GALK1: variants seen among roughly 807,000 people sequenced by gnomAD.
GALK1 encodes galactokinase 1.
GALK1 carries 30 observed loss-of-function variants against 38.6 expected under a neutral mutation model. The ratio of observed to expected loss-of-function variants is 0.78; its 90% CI spans 0.58 to 1.05. GALK1 has a LOEUF of 1.05. Ranked by LOEUF, GALK1 falls within the 50% of genes least tolerant of loss-of-function variation. GALK1 has a pLI of 0.00. For synonymous variants in GALK1, 240 were observed against 233.6 expected (o/e 1.03, Z -0.25); for missense variants, 512 against 540.5 (o/e 0.95, Z 0.52).
chr17:75,757,402 C>T (rs762146577), downstream of GALK1: 19 of 1,612,950 alleles, frequency 1.2e-5, no homozygotes, highest in Middle Eastern at 4.9e-4. Flanking sequence ...CATCTAATGC[C>T]TCCTCCTCCA....
rs756263074 is a variant in GALK1, at chr17:75,762,711, C to T, written c.786G>A (p.Glu262=). 6.8e-6 allele frequency: 11 copies of T among 1,613,696 alleles called. No homozygotes were observed. The highest frequency in any genetic ancestry group is 9.3e-6 in the Non-Finnish European group (11 of 1,180,028). ...KESLREVQLE[E]LEAARDLVSK... is the part of the protein sequence containing the mutation. ...CACCCTGGCAGTTCTCACCCTCTAG[C>T]TCTTCCAGTTGTACCTCCCGGAGGC... The change falls in exon 5 of 8, where the codon GAG becomes GAA. Residue 262 remains glutamate (E), a synonymous_variant. Transcript: ENST00000588479.
Position 75,762,866 on chromosome 17 carries a change from C to G in GALK1, c.631G>C (p.Val211Leu), listed in dbSNP as rs1159117080. The G allele has an allele frequency of 6.2e-7, 1 of 1,613,470 alleles. No homozygotes were observed. The highest frequency in any genetic ancestry group is 1.1e-5 in the South Asian group (1 of 91,088). The stretch of plus-strand genomic sequence containing the variant: ...GCCAGCTTGGGGTCCGAGAGTGGCA[C>G]CAGGCTGGTCTCCAAGGACCTGGGG... Reference protein sequence around the residue: ...IDCRSLETSLVPLSDPKLAVL... With the variant: ...IDCRSLETSLLPLSDPKLAVL... Residue 211 changes from valine to leucine, a missense_variant, in exon 5 of 8, where the codon GTG (valine) becomes CTG (leucine). Physicochemically the swap from Val to Leu is conservative, Grantham distance 32. Coordinates refer to ENST00000588479, the MANE Select transcript of GALK1 (RefSeq NM_000154.2).
At chr17:75,754,840 C>A (rs779475585), downstream of GALK1, 2 of 1,613,992 alleles carry the variant, frequency 1.2e-6, no homozygotes, top group Middle Eastern at 1.6e-4. Context: ...CCAACCCTGC[C>A]TCTCCCACTA....
chr17:75,757,926 G>A lies in GALK1; in HGVS notation c.*130C>T. ...ACACCCAAGCATACACCCACCTCTAGAGGAGGCAGGTACCACATTGGAGGC... is the reference window on the plus strand; with the variant it reads ...ACACCCAAGCATACACCCACCTCTAAAGGAGGCAGGTACCACATTGGAGGC... On this transcript the variant is annotated 3_prime_UTR_variant, in exon 8 of 8. Transcript: ENST00000588479. 9.6e-7 allele frequency: 1 copy of A among 1,040,602 alleles called. No homozygotes were observed. Among genetic ancestry groups the A allele is most frequent in the Non-Finnish European group, 1.4e-6 (1 of 690,882 alleles). The allele number at this position is 1,040,602 out of a possible 1,614,324, so 64.5% of individuals were successfully genotyped here. A position where few individuals can be genotyped will look rare whatever the true frequency, so the allele number is the denominator to read the frequency against.
chr17:75,762,244 G>T (rs1194341601), intron 5 of GALK1, among the ~76,000 whole-genome samples: 1 of 151,712 alleles, frequency 6.6e-6, no homozygotes, highest in Non-Finnish European at 1.5e-5. Flanking sequence ...TTGAGCTCAA[G>T]AGTTCAAGTT....
At chr17:75,755,739 C>T (rs779870630), downstream of GALK1, 22 of 1,612,806 alleles carry the variant, frequency 1.4e-5, 2 homozygotes, top group Middle Eastern at 1.6e-4. Flanking sequence ...CACGCCCACC[C>T]GCCTGGTGTT....
At chr17:75,755,114 T>C (rs1164457479), downstream of GALK1, 1 of 1,607,918 alleles carries the variant, frequency 6.2e-7, no homozygotes, top group Admixed American at 1.7e-5. Flanking sequence ...GGCCCTGGGG[T>C]CCCGGAGTCG....
At chr17:75,754,223 C>A (rs918733463), downstream of GALK1, among the ~76,000 whole-genome samples, 3 of 152,162 alleles carry the variant, frequency 2.0e-5, no homozygotes, top group Admixed American at 6.5e-5. Flanking sequence ...GGAAGCGGAC[C>A]CTGGCACCCA....
rs2061598440 is a variant in GALK1, at chr17:75,763,839, G to A, written c.355+58C>T. ...ATCAGACAAATGAATGGGCTCTGTG[G>A]CTGTGAGGTGGCACTCCTAGTATCA... On this transcript the variant is annotated intron_variant, in intron 2 of 7. Coordinates refer to ENST00000588479, the MANE Select transcript of GALK1 (RefSeq NM_000154.2). The A allele has an allele frequency of 2.7e-6, 4 of 1,477,318 alleles. No homozygotes were observed. In the Admixed American group the frequency reaches 5.2e-5, roughly 19 times the overall value. 91.5% of individuals were successfully genotyped at this position (1,477,318 alleles called of 1,614,324 possible). A position where few individuals can be genotyped will look rare whatever the true frequency, so the allele number is the denominator to read the frequency against.
At chr17:75,755,957 G>A (rs909047651), downstream of GALK1, 9 of 1,350,150 alleles carry the variant, frequency 6.7e-6, no homozygotes, top group South Asian at 8.7e-5. Context: ...CAAGTCCCTT[G>A]AGCGCTAAAG....
chr17:75,759,369 A>G (rs1388958828), intron 5 of GALK1, among the ~76,000 whole-genome samples: 1 of 151,868 alleles, frequency 6.6e-6, no homozygotes, highest in Non-Finnish European at 1.5e-5. Context: ...CGGAGGTTGC[A>G]GTGAGTGGAG....
At chr17:75,754,710 T>C (rs1568383633), downstream of GALK1, 2 of 1,614,006 alleles carry the variant, frequency 1.2e-6, no homozygotes, top group Non-Finnish European at 1.7e-6. Context: ...GCTAAGCACA[T>C]CCTCCACCCT....
intron 6 of GALK1, 30 bp from the exon 7 acceptor site, chr17:75,758,402 T>C: frequency 6.3e-7 from 1 of 1,578,692 alleles, no homozygotes; most frequent in Admixed American, 1.8e-5. Flanking sequence ...GGGGTGGGCC[T>C]GGGCCGGCCT....
chr17:75,754,646 G>T (rs574417789), downstream of GALK1: 4 of 1,613,982 alleles, frequency 2.5e-6, no homozygotes, highest in Middle Eastern at 1.6e-4. Context: ...GGATGACCAC[G>T]ACCAGTGCTG....
At chr17:75,758,639 C>T (rs774850880) in intron 5 of GALK1, 40 bp from the exon 6 acceptor site, 20 of 1,558,386 alleles carry the variant, frequency 1.3e-5, no homozygotes, top group Non-Finnish European at 1.7e-5. Flanking sequence ...CTTCTCACTG[C>T]CTGGGGCCCC....
downstream of GALK1, chr17:75,757,781 C>T (rs1028145573): frequency 1.5e-6 from 1 of 682,918 alleles, no homozygotes; most frequent in African/African-American, 1.8e-5. Flanking sequence ...AGGACCCAGC[C>T]TTTGTTCTGC....
In GALK1 at chr17:75,757,970, C is replaced by G. The variant is rs961142959; in HGVS notation, c.*86G>C. The G allele has an allele frequency of 6.8e-7, 1 of 1,467,780 alleles. No individual in the cohort carries two copies. The highest frequency in any genetic ancestry group is 9.4e-7 in the Non-Finnish European group (1 of 1,061,422). The allele number at this position is 1,467,780 out of a possible 1,614,324, so 90.9% of individuals were successfully genotyped here. On this transcript the variant is annotated 3_prime_UTR_variant, in exon 8 of 8. Transcript: ENST00000588479. ...TGGAGGCACAAGTTTATTGAGCACCCGGATATGGAAGATGGCACCGGGCAC... is the reference window on the plus strand; with the variant it reads ...TGGAGGCACAAGTTTATTGAGCACCGGGATATGGAAGATGGCACCGGGCAC...
At chr17:75,762,258 A>C (rs2061590458) in intron 5 of GALK1, among the ~76,000 whole-genome samples, 1 of 151,682 alleles carries the variant, frequency 6.6e-6, no homozygotes, top group Non-Finnish European at 1.5e-5. Flanking sequence ...TCAAGTTTGC[A>C]GTAAGCTATG....
chr17:75,758,000 C>G lies in GALK1; in HGVS notation c.*56G>C, dbSNP rs576088936. 12 of 1,586,406 alleles carry G rather than the reference C, an allele frequency of 7.6e-6. No homozygotes were observed. The African/African-American group carries it at 1.5e-4, about 20-fold the overall frequency. On this transcript the variant is annotated 3_prime_UTR_variant, in exon 8 of 8. Transcript: ENST00000588479. ...ATGGAAGATGGCACCGGGCACAGAG[C>G]CGTGGGACTGGCCTGCAGGCCCCGC... is the stretch of plus-strand genomic sequence containing the variant.
Sources: gnomAD v4.1 joint callset for allele counts (sites outside exome capture counted in the v4.1 genomes callset) on GRCh38, gnomAD v4.1.1 for gene constraint, MANE v1.5 for transcripts, NCBI Gene and HGNC (gene_info 2026-07-23, HGNC 2026-07-21) for gene names.